The following DIP2C variants were observed in gnomAD, a reference collection of about 807,000 sequenced individuals.
DIP2C encodes DIP2 acetate--CoA ligase C (putative), also known as disco-interacting protein 2 homolog C.
A neutral mutation model predicts 192.4 loss-of-function variants in DIP2C; 33 were observed. That is an observed-to-expected ratio of 0.17 (90% confidence interval 0.13 to 0.23). The LOEUF is 0.23. Among genes scored for constraint, DIP2C ranks in the 10% least tolerant of loss-of-function variants. The pLI, the probability that DIP2C is intolerant of heterozygous loss-of-function variation, is 1.00. For synonymous variants in DIP2C, 979 were observed against 864.1 expected (o/e 1.13, Z -2.33); for missense variants, 1,537 against 2,110.1 (o/e 0.73, Z 5.32).
intron 1 of DIP2C, among the ~76,000 whole-genome samples, chr10:602,430 G>A (rs771863424): frequency 2.0e-5 from 3 of 152,216 alleles, no homozygotes; most frequent in Middle Eastern, 3.2e-3. Flanking sequence ...CACGCACACT[G>A]AAGCAATCTC....
At chr10:468,200 C>T (rs1347486210) in intron 3 of DIP2C, among the ~76,000 whole-genome samples, 2 of 152,110 alleles carry the variant, frequency 1.3e-5, no homozygotes, top group African/African-American at 2.4e-5. Flanking sequence ...GTTAAAACCA[C>T]GTGAGCATAT....
At chr10:332,411 A>C (rs1004030689) in intron 29 of DIP2C, among the ~76,000 whole-genome samples, 2 of 152,236 alleles carry the variant, frequency 1.3e-5, no homozygotes, top group African/African-American at 2.4e-5. Flanking sequence ...CATAAATAAG[A>C]AATCAACATT....
At chr10:447,649 G>T (rs1174090337) in intron 3 of DIP2C, among the ~76,000 whole-genome samples, 1 of 138,570 alleles carries the variant, frequency 7.2e-6, no homozygotes, top group African/African-American at 3.2e-5. Flanking sequence ...ACACAGTGGG[G>T]CAGCAGGACC....
intron 3 of DIP2C, among the ~76,000 whole-genome samples, chr10:446,148 G>A (rs188978338): frequency 2.8e-4 from 41 of 147,162 alleles, no homozygotes; most frequent in Admixed American, 4.8e-4. Flanking sequence ...GAGTCTCACC[G>A]TTCACTAGGC....
chr10:591,165 C>T lies in DIP2C; in HGVS notation c.85+98329G>A, dbSNP rs561734893. ...TAGATGGAGTCTCTGCTCTGTCACC[C>T]AGGGTGGAGTGGAGTGGCGTGATCT... On this transcript the variant is annotated intron_variant, in intron 1 of 36. Coordinates refer to ENST00000280886, the MANE Select transcript of DIP2C (RefSeq NM_014974.3). 4.8e-4 allele frequency among the ~76,000 whole-genome samples: 73 copies of T among 152,302 alleles called. 1 individual carries two copies. In the South Asian group the frequency reaches 0.015, roughly 30 times the overall value.
At chr10:384,400 G>T in intron 15 of DIP2C, 146 bp downstream of exon 15, 2 of 907,114 alleles carry the variant, frequency 2.2e-6, no homozygotes, top group South Asian at 1.7e-5. Context: ...ATCAGGCCTG[G>T]CTAATTTTTG....
chr10:530,905 G>C (rs555533198), intron 1 of DIP2C, among the ~76,000 whole-genome samples: 1 of 152,096 alleles, frequency 6.6e-6, no homozygotes, highest in Admixed American at 6.5e-5. Context: ...CAGCAGCCTG[G>C]TTTAGAGGAA....
chr10:363,437 C>T lies in DIP2C; in HGVS notation c.2478-126G>A, dbSNP rs1040308413. On this transcript the variant is annotated intron_variant, in intron 20 of 36. Coordinates refer to ENST00000280886, the MANE Select transcript of DIP2C (RefSeq NM_014974.3). The surrounding 1 kb of genome is among the most constrained non-coding windows in gnomAD (Gnocchi z 5.4). ...GCTCCAACTACGACTTCAAAACGGC[C>T]GCTGTACTTCCGAATTTCCCCACAC... 6 of 759,914 alleles carry T rather than the reference C, an allele frequency of 7.9e-6. No individual in the cohort carries two copies. Among genetic ancestry groups the T allele is most frequent in the African/African-American group, 5.2e-5 (3 of 57,462 alleles). The allele number at this position is 759,914 out of a possible 1,614,324, so 47.1% of individuals were successfully genotyped here. A position where few individuals can be genotyped will look rare whatever the true frequency, so the allele number is the denominator to read the frequency against.
chr10:462,635 A>G (rs1418251779), intron 3 of DIP2C, among the ~76,000 whole-genome samples: 1 of 152,194 alleles, frequency 6.6e-6, no homozygotes, highest in African/African-American at 2.4e-5. Context: ...AACTATTCCA[A>G]AACAATAGAA....
chr10:619,532 C>CAGGGCCAA (rs750101870), intron 1 of DIP2C, among the ~76,000 whole-genome samples: 17 of 40,752 alleles, frequency 4.2e-4, no homozygotes, highest in East Asian at 3.8e-3. Context: ...GGACCAAGCC[C>CAGGGCCAA]GCCCGCCCGC....
At chr10:579,654 C>A (rs951036618) in intron 1 of DIP2C, among the ~76,000 whole-genome samples, 3 of 151,974 alleles carry the variant, frequency 2.0e-5, no homozygotes, top group Non-Finnish European at 4.4e-5. Context: ...GAGCAAACAT[C>A]CAGATCCATA....
At chr10:595,443 AAT>A (rs1851646056) in intron 1 of DIP2C, among the ~76,000 whole-genome samples, 1 of 152,200 alleles carries the variant, frequency 6.6e-6, no homozygotes, top group South Asian at 2.1e-4. Context: ...TGAGTATCTC[AAT>A]ATGTGTTTCC....
At chr10:452,705 G>A (rs1013843513) in intron 3 of DIP2C, among the ~76,000 whole-genome samples, 9 of 152,316 alleles carry the variant, frequency 5.9e-5, no homozygotes, top group South Asian at 4.1e-4. Context: ...CAGCACAGCC[G>A]GGTGGCTCTG....
At chr10:631,667 C>G (rs1189502729) in intron 1 of DIP2C, among the ~76,000 whole-genome samples, 2 of 152,140 alleles carry the variant, frequency 1.3e-5, no homozygotes, top group Non-Finnish European at 2.9e-5. Flanking sequence ...CAAACATTCA[C>G]TCAATGCTAA....
At chr10:464,959 C>G (rs1266536620) in intron 3 of DIP2C, among the ~76,000 whole-genome samples, 2 of 150,926 alleles carry the variant, frequency 1.3e-5, no homozygotes, top group African/African-American at 2.4e-5. Flanking sequence ...ACCAGAGGTA[C>G]AAGGAGGAAC....
chr10:492,628 A>G (rs942728831), intron 1 of DIP2C, among the ~76,000 whole-genome samples: 5 of 152,174 alleles, frequency 3.3e-5, no homozygotes, highest in African/African-American at 1.2e-4. Context: ...ACGCACACAA[A>G]TATTTAATTA....
At chr10:314,613 A>C (rs1044538166) in intron 31 of DIP2C, among the ~76,000 whole-genome samples, 3 of 152,206 alleles carry the variant, frequency 2.0e-5, no homozygotes, top group African/African-American at 7.2e-5. Context: ...ATGGGAAGGC[A>C]TCAGGACGAG....
In DIP2C at chr10:310,082, C is replaced by T; in HGVS notation, c.3935G>A (p.Gly1312Glu). 6.2e-7 allele frequency: 1 copy of T among 1,614,142 alleles called. No individual in the cohort carries two copies. Among genetic ancestry groups the T allele is most frequent in the Non-Finnish European group, 8.5e-7 (1 of 1,180,032 alleles). ...CACGTAGACAGTGGTTGGGTCAGGT[C>T]CTGAGGTTCCCTGCAAGCAACAACA... ...NLAICLQGTS[G>E]PDPTTVYVDM... is the part of the protein sequence containing the mutation. Residue 1312 changes from glycine (G) to glutamate (E), a missense_variant, in exon 32 of 37, where the codon GGA (glycine) becomes GAA (glutamate). Coordinates refer to ENST00000280886, the MANE Select transcript of DIP2C (RefSeq NM_014974.3).
At chr10:337,754 ATGTG>A (rs1331224124) in intron 29 of DIP2C, among the ~76,000 whole-genome samples, 3 of 11,786 alleles carry the variant, frequency 2.5e-4, no homozygotes, top group East Asian at 2.6e-3. Flanking sequence ...GACTAGGCTG[ATGTG>A]TGTGTGTGTT....
Sources: gnomAD v4.1 joint callset for allele counts (sites outside exome capture counted in the v4.1 genomes callset) on GRCh38, gnomAD v4.1.1 for gene constraint, Gnocchi (gnomAD v3.1) non-coding constraint, MANE v1.5 for transcripts, NCBI Gene and HGNC (gene_info 2026-07-23, HGNC 2026-07-21) for gene names.